The following KCNMA1 variants were observed in gnomAD, a reference collection of about 807,000 sequenced individuals.
The protein encoded by KCNMA1 is Calcium-activated potassium channel subunit alpha-1.
In KCNMA1, 29 loss-of-function variants were observed where a neutral mutation model predicts 140.0. The observed-to-expected ratio is 0.21, with a 90% CI of 0.15 to 0.28. The LOEUF is 0.28. Among genes scored for constraint, KCNMA1 ranks in the 10% least tolerant of loss-of-function variants. KCNMA1 has a pLI of 1.00. For missense variants in KCNMA1, 880 were observed against 1,602.2 expected, an observed-to-expected ratio of 0.55 and a Z score of 7.70; for synonymous variants, 612 against 611.9, an observed-to-expected ratio of 1.00 and a Z score of 0.00.
At chr10:77,374,822 G>A (rs893161474) in intron 2 of KCNMA1, among the ~76,000 whole-genome samples, 1 of 152,146 alleles carries the variant, frequency 6.6e-6, no homozygotes, top group Non-Finnish European at 1.5e-5. Context: ...ATGACCCCTA[G>A]GACTGAATGA....
At chr10:77,028,518 G>C (rs1043358519) in intron 15 of KCNMA1, among the ~76,000 whole-genome samples, 11 of 151,856 alleles carry the variant, frequency 7.2e-5, no homozygotes, top group African/African-American at 2.7e-4. Flanking sequence ...CCCCACTCTC[G>C]ATCCCTTCTT....
chr10:77,241,704 T>C (rs2154232992), intron 3 of KCNMA1, among the ~76,000 whole-genome samples: 1 of 152,086 alleles, frequency 6.6e-6, no homozygotes, highest in African/African-American at 2.4e-5. Context: ...TCCCAACTAC[T>C]CAGGAGACTG....
chr10:77,017,113 A>C (rs1326372321), intron 17 of KCNMA1, among the ~76,000 whole-genome samples: 1 of 152,230 alleles, frequency 6.6e-6, no homozygotes, highest in Non-Finnish European at 1.5e-5. Context: ...GAAATGAGAC[A>C]TATTGCACTC....
chr10:77,039,333 G>A lies in KCNMA1; in HGVS notation c.1859+195C>T, dbSNP rs533453637. 7.9e-6 allele frequency: 5 copies of A among 629,764 alleles called. No homozygotes were observed. The African/African-American group carries it at 9.1e-5, about 11-fold the overall frequency. The allele number at this position is 629,764 out of a possible 1,614,324, so 39.0% of individuals were successfully genotyped here. A position where few individuals can be genotyped will look rare whatever the true frequency, so the allele number is the denominator to read the frequency against. The stretch of plus-strand genomic sequence containing the variant: ...CTCTCAGGCCTGTCAAGAAAAGTGG[G>A]GCCAGTGGAAATTCCCCAGGCAGAG... On this transcript the variant is annotated intron_variant, in intron 15 of 27. Coordinates refer to ENST00000286628, the MANE Select transcript of KCNMA1 (RefSeq NM_001161352.2).
At chr10:77,636,568 A>G in intron 1 of KCNMA1, 2 of 1,536,146 alleles carry the variant, frequency 1.3e-6, no homozygotes, top group South Asian at 1.2e-5. Flanking sequence ...CCACTAGAGC[A>G]CCTAAGGGAC....
intron 16 of KCNMA1, among the ~76,000 whole-genome samples, chr10:77,025,977 C>A (rs1183434133): frequency 8.2e-6 from 1 of 122,644 alleles, no homozygotes; most frequent in Non-Finnish European, 1.7e-5. Flanking sequence ...GTCCTTTTTG[C>A]CCTTTTCTGA....
intron 20 of KCNMA1, among the ~76,000 whole-genome samples, chr10:76,960,341 A>G (rs1473962354): frequency 1.3e-5 from 2 of 152,166 alleles, no homozygotes; most frequent in African/African-American, 4.8e-5. Context: ...GGAGTTTGAG[A>G]CCGGCCTAGG....
intron 2 of KCNMA1, among the ~76,000 whole-genome samples, chr10:77,364,522 T>G (rs968508170): frequency 5.3e-5 from 8 of 152,126 alleles, no homozygotes; most frequent in African/African-American, 1.7e-4. Flanking sequence ...GACTGGAGGC[T>G]TACATTAACT....
intron 5 of KCNMA1, among the ~76,000 whole-genome samples, chr10:77,138,922 G>A (rs1165114565): frequency 2.0e-5 from 3 of 152,256 alleles, no homozygotes; most frequent in Admixed American, 6.5e-5. Context: ...GTCCTTCGCC[G>A]CCATTATCCA....
intron 14 of KCNMA1, among the ~76,000 whole-genome samples, chr10:77,057,504 C>T (rs998338885): frequency 2.0e-4 from 31 of 152,052 alleles, no homozygotes; most frequent in Non-Finnish European, 4.4e-5. Flanking sequence ...ATAGACTATA[C>T]TTCTCTTGAA....
intron 3 of KCNMA1, among the ~76,000 whole-genome samples, chr10:77,202,833 G>A (rs1235356524): frequency 6.6e-6 from 1 of 152,170 alleles, no homozygotes; most frequent in Non-Finnish European, 1.5e-5. Context: ...AAGGCCAAAT[G>A]AGGCAATAAG....
chr10:77,311,025 C>T (rs2079111537), intron 2 of KCNMA1, among the ~76,000 whole-genome samples: 1 of 152,152 alleles, frequency 6.6e-6, no homozygotes, highest in African/African-American at 2.4e-5. Flanking sequence ...CCATTTTTGG[C>T]CACAGCTGCT....
chr10:77,299,951 G>A (rs980611451), intron 2 of KCNMA1, among the ~76,000 whole-genome samples: 5 of 152,224 alleles, frequency 3.3e-5, no homozygotes, highest in African/African-American at 7.2e-5. Context: ...ACCACCAGGC[G>A]TGGTAGGGAG....
rs137853333 is a variant in KCNMA1 at position 77,090,433 on chromosome 10, T to C, written c.1301A>G (p.Asp434Gly). The change falls in exon 10 of 28, where the codon GAT becomes GGT. Residue 434 changes from aspartate (D) to glycine (G), a missense_variant. Physicochemically the swap from Asp to Gly is moderately conservative, Grantham distance 94. Coordinates refer to ENST00000286628, the MANE Select transcript of KCNMA1 (RefSeq NM_001161352.2). The stretch of plus-strand genomic sequence containing the variant: ...AAAAACGATCTCCACATTGACGTCA[T>C]CCCGGTCCTTGTGCAGAAAGTCCTT... ...FLKDFLHKDR[D>G]DVNVEIVFLH... 6.2e-7 allele frequency: 1 copy of C among 1,613,660 alleles called. No homozygotes were observed.
intron 9 of KCNMA1, among the ~76,000 whole-genome samples, chr10:77,101,876 A>G (rs529228264): frequency 9.8e-5 from 15 of 152,338 alleles, no homozygotes; most frequent in African/African-American, 3.6e-4. Flanking sequence ...ATAACATGAA[A>G]TCATCTCAAA....
chr10:77,080,958 A>C (rs2096549737), intron 12 of KCNMA1, among the ~76,000 whole-genome samples: 1 of 152,190 alleles, frequency 6.6e-6, no homozygotes, highest in Non-Finnish European at 1.5e-5. Flanking sequence ...CTAATAGAGA[A>C]AATGATGACT....
intron 2 of KCNMA1, among the ~76,000 whole-genome samples, chr10:77,280,654 G>A (rs1206850756): frequency 3.3e-5 from 5 of 151,102 alleles, no homozygotes; most frequent in African/African-American, 4.9e-5. Flanking sequence ...AGCCTCCTGA[G>A]TAGCTGGGAC....
At chr10:77,102,977 G>A (rs3781171) in intron 9 of KCNMA1, among the ~76,000 whole-genome samples, 18,718 of 152,050 alleles carry the variant, frequency 0.12, 2,659 homozygotes, top group East Asian at 0.48. Flanking sequence ...CATGCCTGAT[G>A]CATAACACAG....
intron 18 of KCNMA1, among the ~76,000 whole-genome samples, chr10:77,009,276 G>A (rs754363704): frequency 5.3e-5 from 8 of 152,192 alleles, no homozygotes; most frequent in Non-Finnish European, 1.0e-4. Context: ...GAAATGAAGA[G>A]AAGAAAATTA....
Sources: allele counts gnomAD v4.1 joint callset (sites outside exome capture counted in the v4.1 genomes callset), GRCh38; gene constraint gnomAD v4.1.1; transcripts MANE v1.5; gene names NCBI Gene and HGNC (gene_info 2026-07-23, HGNC 2026-07-21).